The following GABRR3 variants were observed in gnomAD, a reference collection of about 807,000 sequenced individuals.
GABRR3 encodes the protein gamma-aminobutyric acid receptor subunit rho-3.
Under a neutral mutation model 43.2 loss-of-function variants are expected in GABRR3, and 29 were observed. The observed-to-expected ratio is 0.67, with a 90% CI of 0.50 to 0.92. The LOEUF (loss-of-function observed/expected upper bound fraction) is 0.92, where lower values mean the gene tolerates loss of function less well. GABRR3 is among the 40% of genes least tolerant of loss of function. The probability of loss-of-function intolerance (pLI) is 0.00; values close to 1 mark genes in which losing one functional copy is unlikely to be tolerated. For synonymous variants in GABRR3, 206 were observed against 195.9 expected, an observed-to-expected ratio of 1.05 and a Z score of -0.43; for missense variants, 576 against 572.3, an observed-to-expected ratio of 1.01 and a Z score of -0.07.
intron 7 of GABRR3, among the ~76,000 whole-genome samples, chr3:98,005,428 AT>A (rs927634794): frequency 2.0e-5 from 3 of 151,828 alleles, no homozygotes; most frequent in South Asian, 4.2e-4. Context: ...CCTAATTCTA[AT>A]TTTTTTTCAT....
downstream of GABRR3, chr3:97,986,617 C>G: frequency 1.8e-6 from 2 of 1,105,276 alleles, no homozygotes; most frequent in Non-Finnish European, 2.5e-6. Context: ...CTATCCAACT[C>G]ATATTCAAGA....
chr3:97,991,945 C>G (rs1396644955), intron 9 of GABRR3, among the ~76,000 whole-genome samples: 1 of 152,012 alleles, frequency 6.6e-6, no homozygotes, highest in Non-Finnish European at 1.5e-5. Context: ...TACATATATA[C>G]TATATGCACA....
chr3:97,990,843 G>A (rs1347996752), intron 9 of GABRR3, among the ~76,000 whole-genome samples: 7 of 150,562 alleles, frequency 4.6e-5, no homozygotes, highest in Non-Finnish European at 1.0e-4. Context: ...TTTGCAAGAT[G>A]AAAGAGCTCT....
At chr3:98,004,480 G>T (rs1387111469) in intron 7 of GABRR3, among the ~76,000 whole-genome samples, 1 of 152,132 alleles carries the variant, frequency 6.6e-6, no homozygotes, top group Non-Finnish European at 1.5e-5. Flanking sequence ...TCAGCCATTA[G>T]ATTATGCTAT....
intron 5 of GABRR3, among the ~76,000 whole-genome samples, chr3:98,009,578 C>A (rs1269610217): frequency 3.3e-5 from 5 of 152,168 alleles, no homozygotes; most frequent in East Asian, 1.9e-4. Context: ...TACTATTAAG[C>A]CAAAAGGCTT....
intron 7 of GABRR3, among the ~76,000 whole-genome samples, chr3:98,006,016 T>C (rs1374826712): frequency 1.3e-5 from 2 of 152,126 alleles, no homozygotes; most frequent in African/African-American, 2.4e-5. Flanking sequence ...CATTCTTTTA[T>C]TTAAATATTA....
intron 6 of GABRR3, 51 bp downstream of exon 6, chr3:98,008,905 G>T: frequency 1.0e-6 from 1 of 999,198 alleles, no homozygotes; most frequent in South Asian, 1.4e-5. Context: ...GTAAGTATGT[G>T]ATGGTGTGTT....
intron 5 of GABRR3, among the ~76,000 whole-genome samples, chr3:98,010,174 T>C (rs1706771258): frequency 6.6e-6 from 1 of 152,166 alleles, no homozygotes; most frequent in South Asian, 2.1e-4. Flanking sequence ...GCTGTTGTAC[T>C]CTTGGTTACC....
At chr3:97,999,567 T>A (rs1706604727) in intron 8 of GABRR3, 1 of 151,948 alleles carries the variant, frequency 6.6e-6, no homozygotes, top group Non-Finnish European at 1.5e-5. Flanking sequence ...AGGGAGTTAC[T>A]CATACTTAAG....
intron 2 of GABRR3, among the ~76,000 whole-genome samples, chr3:98,029,798 T>A (rs897665914): frequency 1.3e-5 from 2 of 151,946 alleles, no homozygotes; most frequent in African/African-American, 4.8e-5. Context: ...AGACAAAAAA[T>A]AATGTTAGTG....
chr3:97,996,730 G>A (rs1245766014), intron 8 of GABRR3, among the ~76,000 whole-genome samples: 3 of 152,164 alleles, frequency 2.0e-5, no homozygotes, highest in African/African-American at 4.8e-5. Flanking sequence ...ACACCAAATT[G>A]AATGGAGAGA....
In GABRR3 at chr3:98,008,850, A is replaced by C. The variant is rs540164506; in HGVS notation, c.613+106T>G. 22 of 467,394 alleles carry C rather than the reference A, an allele frequency of 4.7e-5. No homozygotes were observed. The South Asian group carries it at 9.0e-4, about 19-fold the overall frequency. 29.0% of individuals were successfully genotyped at this position (467,394 alleles called of 1,614,324 possible). ...ACAATTGTTTCAGTTTTGGATAAATATATCAGTATTTTAAAATGTTTGTTA... is the reference window on the plus strand; with the variant it reads ...ACAATTGTTTCAGTTTTGGATAAATCTATCAGTATTTTAAAATGTTTGTTA... On this transcript the variant is annotated intron_variant, in intron 6 of 9. Coordinates refer to ENST00000621172, the Ensembl canonical transcript of GABRR3.
intron 7 of GABRR3, among the ~76,000 whole-genome samples, chr3:98,002,305 T>G (rs1359452904): frequency 6.6e-6 from 1 of 152,218 alleles, no homozygotes; most frequent in African/African-American, 2.4e-5. Flanking sequence ...AGTACCATAA[T>G]TTGTGCATGA....
Position 97,993,597 on chromosome 3 carries a change from G to A in GABRR3, c.908-549C>T, listed in dbSNP as rs532625063. Among the ~76,000 whole-genome samples, 710 of 152,074 alleles carry A rather than the reference G, an allele frequency of 4.7e-3. 3 individuals carry two copies. The highest frequency in any genetic ancestry group is 8.1e-3 in the Non-Finnish European group (553 of 67,990). ...AAAAGCCATTGTTATTCTCTTTGTC[G>A]ATTGTTAATGAAACTACAGTTCCAT... is the stretch of plus-strand genomic sequence containing the variant. On this transcript the variant is annotated intron_variant, in intron 8 of 9. Transcript: ENST00000621172.
At position 98,019,338 on chromosome 3, in the gene GABRR3, A is replaced by G. The variant is rs114977214; in HGVS notation, c.239-1616T>C. Among the ~76,000 whole-genome samples, 994 of 152,206 alleles carry G rather than the reference A, an allele frequency of 6.5e-3. 8 individuals are homozygous for G. Among genetic ancestry groups the G allele is most frequent in the African/African-American group, 0.023 (958 of 41,526 alleles). On this transcript the variant is annotated intron_variant, in intron 3 of 9. Coordinates refer to ENST00000621172, the Ensembl canonical transcript of GABRR3. ...CCAAGGTATGTCTTGCCAGTCCTGT[A>G]TCTTTTCTGTGACTGCCCCAGGAAT...
chr3:97,994,258 T>G (rs557521876), intron 8 of GABRR3, among the ~76,000 whole-genome samples: 84 of 152,310 alleles, frequency 5.5e-4, no homozygotes, highest in African/African-American at 1.9e-3. Context: ...TCTGTTAGGC[T>G]CTCATCTGAG....
chr3:97,989,031 TAGTGGTGGTGGGTGGTG>T (rs1271817181), intron 9 of GABRR3, among the ~76,000 whole-genome samples: 1 of 147,934 alleles, frequency 6.8e-6, no homozygotes, highest in Non-Finnish European at 1.5e-5. Flanking sequence ...GGGTATATGG[TAGTGGTGGTGGGTGGTG>T]AGTGGTGGTG....
chr3:97,991,454 C>T (rs1035169612), intron 9 of GABRR3, among the ~76,000 whole-genome samples: 3 of 152,200 alleles, frequency 2.0e-5, no homozygotes, highest in South Asian at 2.1e-4. Context: ...TTTCCTTACA[C>T]GTGCATAGCA....
At chr3:97,986,147 T>G (rs961362219), downstream of GABRR3, among the ~76,000 whole-genome samples, 1 of 152,152 alleles carries the variant, frequency 6.6e-6, no homozygotes, top group Admixed American at 6.5e-5. Flanking sequence ...ATAACAAGCA[T>G]GAGCCACGGC....
Sources: gnomAD v4.1 joint callset for allele counts (sites outside exome capture counted in the v4.1 genomes callset) on GRCh38, gnomAD v4.1.1 for gene constraint, MANE v1.5 for transcripts, NCBI Gene and HGNC (gene_info 2026-07-23, HGNC 2026-07-21) for gene names.